The following SMYD3 variants were observed in gnomAD, a reference collection of about 807,000 sequenced individuals.
The protein encoded by SMYD3 is SET and MYND domain containing 3.
SMYD3 carries 36 observed loss-of-function variants against 57.7 expected under a neutral mutation model. That is an observed-to-expected ratio of 0.62 (90% CI 0.48 to 0.82). The LOEUF is 0.82. Among genes scored for constraint, SMYD3 ranks in the 40% least tolerant of loss-of-function variants. The pLI, the probability that SMYD3 is intolerant of heterozygous loss-of-function variation, is 0.00. For missense variants in SMYD3, 515 were observed against 538.8 expected, an observed-to-expected ratio of 0.96 and a Z score of 0.44; for synonymous variants, 211 against 195.0, an observed-to-expected ratio of 1.08 and a Z score of -0.68.
rs547647748 is a variant in SMYD3, at chr1:246,323,783, T to TA, written c.531+3417dup. On this transcript the variant is annotated intron_variant, in intron 5 of 11. Transcript: ENST00000490107. ...CACACTAGACCTGCAAATAAATAAA[T>TA]AAAAGTCTGCTGTACTTGCTAAGCA... 2.0e-5 allele frequency among the ~76,000 whole-genome samples: 3 copies of TA among 151,932 alleles called. No individual in the cohort carries two copies. In the South Asian group the frequency reaches 6.2e-4, roughly 32 times the overall value.
intron 7 of SMYD3, among the ~76,000 whole-genome samples, chr1:245,924,327 A>G (rs1275395093): frequency 6.6e-6 from 1 of 152,144 alleles, no homozygotes; most frequent in Non-Finnish European, 1.5e-5. Flanking sequence ...TCCAAAGTCA[A>G]ATAAAAAAAA....
intron 6 of SMYD3, among the ~76,000 whole-genome samples, chr1:245,929,141 G>A (rs2056566827): frequency 6.6e-6 from 1 of 152,206 alleles, no homozygotes; most frequent in African/African-American, 2.4e-5. Context: ...TTTGGACCAG[G>A]TGGCCTGAAC....
intron 5 of SMYD3, among the ~76,000 whole-genome samples, chr1:246,090,520 C>CTTTT (rs1460851329): frequency 5.0e-5 from 7 of 139,884 alleles, no homozygotes; most frequent in Admixed American, 1.5e-4. Context: ...CTTTCTCTCT[C>CTTTT]TCTTTTTTTT....
intron 11 of SMYD3, among the ~76,000 whole-genome samples, chr1:245,758,910 TTA>T (rs1387672464): frequency 6.6e-6 from 1 of 152,168 alleles, no homozygotes; most frequent in African/African-American, 2.4e-5. Flanking sequence ...GAGTATTCTG[TTA>T]TGAGACTCTG....
chr1:245,752,950 G>A (rs1267690118), intron 11 of SMYD3, among the ~76,000 whole-genome samples: 1 of 152,188 alleles, frequency 6.6e-6, no homozygotes, highest in Non-Finnish European at 1.5e-5. Flanking sequence ...GCATTGTGCA[G>A]CCTCCCCGTA....
intron 5 of SMYD3, among the ~76,000 whole-genome samples, chr1:246,180,467 G>A (rs927873574): frequency 6.6e-6 from 1 of 150,582 alleles, no homozygotes; most frequent in African/African-American, 2.4e-5. Context: ...TTAAAACTCA[G>A]GAGGGTTAGG....
At chr1:246,064,913 A>T (rs935272652) in intron 5 of SMYD3, among the ~76,000 whole-genome samples, 1 of 151,844 alleles carries the variant, frequency 6.6e-6, no homozygotes, top group South Asian at 2.1e-4. Flanking sequence ...AGGTCTGCAG[A>T]GCCTATAATC....
intron 8 of SMYD3, among the ~76,000 whole-genome samples, chr1:245,883,185 A>G (rs2052885805): frequency 6.6e-6 from 1 of 152,228 alleles, no homozygotes; most frequent in Admixed American, 6.5e-5. Context: ...CTCTTCACTG[A>G]GTGTACCCTT....
chr1:246,393,483 C>G (rs2066604748), intron 1 of SMYD3, among the ~76,000 whole-genome samples: 1 of 151,854 alleles, frequency 6.6e-6, no homozygotes, highest in South Asian at 2.1e-4. Flanking sequence ...ACTTTGTGTA[C>G]TGATGTAATA....
At chr1:245,923,322 G>A (rs575081506) in intron 7 of SMYD3, among the ~76,000 whole-genome samples, 2 of 150,890 alleles carry the variant, frequency 1.3e-5, no homozygotes, top group East Asian at 1.9e-4. Context: ...ATCTGGCCAC[G>A]CAGTTCCTTT....
intron 5 of SMYD3, among the ~76,000 whole-genome samples, chr1:246,182,999 C>A (rs1234107200): frequency 1.3e-5 from 2 of 152,160 alleles, no homozygotes; most frequent in African/African-American, 4.8e-5. Flanking sequence ...TTTCTCCACA[C>A]CCTTATTTTT....
At chr1:245,984,307 C>G (rs1486677662) in intron 5 of SMYD3, among the ~76,000 whole-genome samples, 1 of 152,202 alleles carries the variant, frequency 6.6e-6, no homozygotes, top group African/African-American at 2.4e-5. Context: ...CAACCCTACT[C>G]TCATCTCAGG....
At chr1:246,407,583 C>T (rs913198100) in intron 1 of SMYD3, among the ~76,000 whole-genome samples, 20 of 152,206 alleles carry the variant, frequency 1.3e-4, no homozygotes, top group Admixed American at 3.3e-4. Flanking sequence ...GGCTCGTGCC[C>T]GTAATCCCAG....
intron 1 of SMYD3, 67 bp downstream of exon 1, chr1:246,506,987 A>ACCCCCCCCCCCCCCCCCCCCCCCCAC: frequency 1.6e-6 from 1 of 634,740 alleles, no homozygotes; most frequent in Non-Finnish European, 2.2e-6. Flanking sequence ...CGGCCGCCCG[A>ACCCCCCCCCCCCCCCCCCCCCCCCAC]CGCCCCCCCC....
intron 5 of SMYD3, chr1:246,186,854 C>T: frequency 1.0e-6 from 1 of 985,510 alleles, no homozygotes; most frequent in Non-Finnish European, 1.2e-6. Flanking sequence ...CTCCCCACAT[C>T]ACAGGCACAG....
chr1:246,017,497 T>C (rs567750141), intron 5 of SMYD3, among the ~76,000 whole-genome samples: 1 of 152,310 alleles, frequency 6.6e-6, no homozygotes, highest in South Asian at 2.1e-4. Context: ...GTTATTTTGT[T>C]GTATAATGCG....
At chr1:246,065,151 C>T (rs1430879171) in intron 5 of SMYD3, among the ~76,000 whole-genome samples, 1 of 152,192 alleles carries the variant, frequency 6.6e-6, no homozygotes, top group Non-Finnish European at 1.5e-5. Context: ...CTCAGTATCC[C>T]ATTCCTAGCT....
chr1:246,096,073 G>A (rs2361364), intron 5 of SMYD3, among the ~76,000 whole-genome samples: 54,556 of 151,958 alleles, frequency 0.36, 12,707 homozygotes, highest in African/African-American at 0.64. Context: ...AACAGCACAC[G>A]TGCAATTCTG....
intron 7 of SMYD3, among the ~76,000 whole-genome samples, chr1:245,926,487 T>C (rs1373852534): frequency 6.6e-6 from 1 of 152,170 alleles, no homozygotes; most frequent in Non-Finnish European, 1.5e-5. Flanking sequence ...CTGAAGGGCT[T>C]TACACTGAGT....
Sources: allele counts gnomAD v4.1 joint callset (sites outside exome capture counted in the v4.1 genomes callset), GRCh38; gene constraint gnomAD v4.1.1; transcripts MANE v1.5; gene names NCBI Gene and HGNC (gene_info 2026-07-23, HGNC 2026-07-21).